Variants in WDFY4 observed in about 807,000 individuals in gnomAD.
WDFY4 encodes WDFY family member 4, also known as WD repeat- and FYVE domain-containing protein 4.
Under a neutral mutation model 351.9 loss-of-function variants are expected in WDFY4, and 169 were observed. The ratio of observed to expected loss-of-function variants is 0.48; its 90% CI spans 0.42 to 0.55. WDFY4 has a LOEUF of 0.55. Ranked by LOEUF, WDFY4 falls within the 20% of genes least tolerant of loss-of-function variation. The pLI is 0.00. For missense variants in WDFY4, 3,803 were observed against 3,935.6 expected (o/e 0.97, Z 0.90); for synonymous variants, 1,622 against 1,574.6 (o/e 1.03, Z -0.71).
rs759813253 is a variant in WDFY4 at position 48,807,969 on chromosome 10, C to G, written c.4838+11C>G. ...TCATCTGTCCTCTGAGTAAGTAGCT[C>G]CAGGAAGAGCAATTTGGCAGGAGGT... On this transcript the variant is annotated intron_variant, in intron 28 of 61. Transcript: ENST00000325239. 57 of 1,517,492 alleles carry G rather than the reference C, an allele frequency of 3.8e-5. No individual in the cohort carries two copies. Among genetic ancestry groups the G allele is most frequent in the Non-Finnish European group, 4.9e-5 (56 of 1,132,422 alleles). The allele number at this position is 1,517,492 out of a possible 1,614,324, so 94.0% of individuals were successfully genotyped here.
chr10:48,826,553 T>A (rs1026811927), intron 35 of WDFY4, 118 bp from the exon 36 acceptor site: 1 of 705,870 alleles, frequency 1.4e-6, no homozygotes, highest in Middle Eastern at 3.2e-4. Context: ...ATAAATTACT[T>A]TGGGCGGTAA....
intron 43 of WDFY4, among the ~76,000 whole-genome samples, chr10:48,885,057 C>T (rs143865700): frequency 1.1e-4 from 16 of 152,246 alleles, no homozygotes; most frequent in African/African-American, 3.9e-4. Context: ...TATGCTGACA[C>T]CAGATGAAAC....
intron 57 of WDFY4, among the ~76,000 whole-genome samples, chr10:48,973,058 C>G (rs138796612): frequency 1.3e-4 from 20 of 152,152 alleles, no homozygotes; most frequent in Admixed American, 1.1e-3. Context: ...CCAACCTGAC[C>G]TAAGTGGGCA....
Position 48,912,521 on chromosome 10 carries a change from A to G in WDFY4, c.7586+10658A>G, listed in dbSNP as rs190006372. Reference sequence around the variant, plus strand: ...ACGACTGGGATCTCCTGAATGCCTCAGACAGTGGTGCTCTGCCCCATCTCA... The same window carrying G: ...ACGACTGGGATCTCCTGAATGCCTCGGACAGTGGTGCTCTGCCCCATCTCA... On this transcript the variant is annotated intron_variant, in intron 47 of 61. Transcript: ENST00000325239. 3.1e-3 allele frequency among the ~76,000 whole-genome samples: 473 copies of G among 152,332 alleles called. 3 individuals are homozygous for G. The highest frequency in any genetic ancestry group is 0.011 in the African/African-American group (440 of 41,570).
chr10:48,687,837 G>A (rs1279558940), intron 1 of WDFY4, among the ~76,000 whole-genome samples: 1 of 148,162 alleles, frequency 6.7e-6, no homozygotes, highest in African/African-American at 2.5e-5. Flanking sequence ...GCTGGAGTGC[G>A]GTGGTGCGAT....
At chr10:48,948,871 A>C (rs191212791) in intron 51 of WDFY4, among the ~76,000 whole-genome samples, 1 of 152,352 alleles carries the variant, frequency 6.6e-6, no homozygotes, top group Admixed American at 6.5e-5. Flanking sequence ...AATTTAAGGC[A>C]GTCTGGACTG....
chr10:48,965,880 A>G (rs1454522480), intron 54 of WDFY4, among the ~76,000 whole-genome samples: 2 of 152,218 alleles, frequency 1.3e-5, no homozygotes, highest in African/African-American at 2.4e-5. Flanking sequence ...TTATATCTAT[A>G]TCTATAAACA....
In WDFY4 at chr10:48,974,789, A is replaced by C. The variant is rs114365776; in HGVS notation, c.8929-73A>C. The stretch of plus-strand genomic sequence containing the variant: ...TTCCTCATCCAGCACCCAGCTTTAT[A>C]GGGAGGGTGAAGAATTCCCAAAAGT... On this transcript the variant is annotated intron_variant, in intron 57 of 61. Transcript: ENST00000325239. The C allele has an allele frequency of 4.0e-4, 558 of 1,412,174 alleles. 2 individuals are homozygous for C. The African/African-American group carries it at 7.0e-3, about 18-fold the overall frequency. The allele number at this position is 1,412,174 out of a possible 1,614,324, so 87.5% of individuals were successfully genotyped here.
intron 44 of WDFY4, among the ~76,000 whole-genome samples, chr10:48,892,534 G>T (rs540137678): frequency 6.6e-6 from 1 of 152,320 alleles, no homozygotes; most frequent in South Asian, 2.1e-4. Context: ...TCTCTCCAGG[G>T]TCTCATCTGG....
chr10:48,703,265 G>A (rs1371052112), intron 1 of WDFY4, among the ~76,000 whole-genome samples: 2 of 152,198 alleles, frequency 1.3e-5, no homozygotes, highest in African/African-American at 4.8e-5. Context: ...CGGCTGACAA[G>A]CAGTGAGGCA....
intron 34 of WDFY4, 108 bp downstream of exon 34, chr10:48,821,284 C>T (rs1480017589): frequency 1.2e-6 from 1 of 855,174 alleles, no homozygotes; most frequent in African/African-American, 1.7e-5. Context: ...GATGCTGCCT[C>T]CACCTGGCGT....
chr10:48,829,968 A>G (rs1305864254), intron 37 of WDFY4, among the ~76,000 whole-genome samples: 6 of 152,228 alleles, frequency 3.9e-5, no homozygotes, highest in Non-Finnish European at 5.9e-5. Flanking sequence ...ACACAGAGGT[A>G]CATACTTTGG....
chr10:48,871,808 C>A (rs182561612), intron 40 of WDFY4, among the ~76,000 whole-genome samples: 2 of 152,112 alleles, frequency 1.3e-5, no homozygotes, highest in African/African-American at 2.4e-5. Flanking sequence ...TGGAGTACTA[C>A]ATAAAATGCT....
At chr10:48,933,853 G>A (rs74582767) in intron 47 of WDFY4, among the ~76,000 whole-genome samples, 7,235 of 152,090 alleles carry the variant, frequency 0.048, 250 homozygotes, top group South Asian at 0.14. Context: ...TCATCTCTCC[G>A]CTGATAGGAA....
chr10:48,729,279 G>A (rs1011384675), intron 7 of WDFY4, among the ~76,000 whole-genome samples, 153 bp from the exon 8 acceptor site: 5 of 152,252 alleles, frequency 3.3e-5, no homozygotes, highest in African/African-American at 4.8e-5. Flanking sequence ...TATCCAGGGC[G>A]CTCCCTTGCC....
At chr10:48,708,288 G>A (rs1331093830) in intron 1 of WDFY4, among the ~76,000 whole-genome samples, 2 of 152,210 alleles carry the variant, frequency 1.3e-5, no homozygotes, top group African/African-American at 4.8e-5. Flanking sequence ...GAGAGGGCTG[G>A]TTATCCTTGC....
chr10:48,902,133 G>A (rs571400366), intron 47 of WDFY4, among the ~76,000 whole-genome samples: 1 of 152,368 alleles, frequency 6.6e-6, no homozygotes, highest in African/African-American at 2.4e-5. Flanking sequence ...TGGTGACTGG[G>A]CAGGTGGCAC....
At chr10:48,919,442 A>T (rs1345658473) in intron 47 of WDFY4, among the ~76,000 whole-genome samples, 1 of 152,228 alleles carries the variant, frequency 6.6e-6, no homozygotes, top group African/African-American at 2.4e-5. Context: ...TTATTGTTAA[A>T]TTCTATCAAA....
At chr10:48,874,457 G>GT (rs1194493820) in intron 41 of WDFY4, among the ~76,000 whole-genome samples, 1 of 152,072 alleles carries the variant, frequency 6.6e-6, no homozygotes, top group Non-Finnish European at 1.5e-5. Flanking sequence ...TTCATCACAA[G>GT]TAACAATGTT....
Sources: gnomAD v4.1 joint callset for allele counts (sites outside exome capture counted in the v4.1 genomes callset) on GRCh38, gnomAD v4.1.1 for gene constraint, MANE v1.5 for transcripts, NCBI Gene and HGNC (gene_info 2026-07-23, HGNC 2026-07-21) for gene names.